Variants in TLE1 observed in about 807,000 individuals in gnomAD.
TLE1 encodes the protein TLE family member 1, transcriptional corepressor, also known as transducin-like enhancer protein 1.
A neutral mutation model predicts 89.8 loss-of-function variants in TLE1; 21 were observed. The ratio of observed to expected loss-of-function variants is 0.23; its 90% CI spans 0.17 to 0.34. The LOEUF is 0.34. Ranked by LOEUF, TLE1 falls within the 10% of genes least tolerant of loss-of-function variation. TLE1 has a pLI of 1.00. For missense variants in TLE1, 795 were observed against 1,031.2 expected, an observed-to-expected ratio of 0.77 and a Z score of 3.14; for synonymous variants, 447 against 407.6, an observed-to-expected ratio of 1.10 and a Z score of -1.16.
chr9:81,591,642 GA>G (rs1332885798), intron 15 of TLE1, among the ~76,000 whole-genome samples: 7 of 152,098 alleles, frequency 4.6e-5, no homozygotes, highest in African/African-American at 1.7e-4. Context: ...ATCAACTCCT[GA>G]AAGATGCAGA....
chr9:81,651,614 G>A (rs1418610976), intron 6 of TLE1, among the ~76,000 whole-genome samples: 2 of 152,108 alleles, frequency 1.3e-5, no homozygotes, highest in East Asian at 1.9e-4. Context: ...CAGTTCTATA[G>A]GTTCGAATAC....
chr9:81,592,492 G>A (rs781525672), intron 15 of TLE1, among the ~76,000 whole-genome samples: 29 of 152,218 alleles, frequency 1.9e-4, no homozygotes, highest in Non-Finnish European at 3.7e-4. Context: ...GCTCTCTTTC[G>A]TTGATGGCTG....
At chr9:81,651,954 G>T (rs1829595940) in intron 6 of TLE1, among the ~76,000 whole-genome samples, 1 of 148,992 alleles carries the variant, frequency 6.7e-6, no homozygotes, top group Non-Finnish European at 1.5e-5. Context: ...TGTTTAAAAA[G>T]AATTTTTTTA....
At chr9:81,675,357 T>C (rs1455289667) in intron 4 of TLE1, among the ~76,000 whole-genome samples, 1 of 152,182 alleles carries the variant, frequency 6.6e-6, no homozygotes, top group Non-Finnish European at 1.5e-5. Context: ...ATACTCATTA[T>C]TACTAAGAAA....
chr9:81,688,717 G>T lies in TLE1; in HGVS notation c.-477C>A. The T allele has an allele frequency of 6.4e-6, 1 of 155,766 alleles. No homozygotes were observed. Among genetic ancestry groups the T allele is most frequent in the South Asian group, 2.0e-4 (1 of 4,928 alleles). 9.6% of individuals were successfully genotyped at this position (155,766 alleles called of 1,614,324 possible). A position where few individuals can be genotyped will look rare whatever the true frequency, so the allele number is the denominator to read the frequency against. On this transcript the variant is annotated 5_prime_UTR_variant, in exon 1 of 20. Transcript: ENST00000376499. ...CTCTTCGGGCTTTCCCCGAGGCGGC[G>T]GCGGGCGAGGTGCAGGTGGCGCGGC...
rs1018912588 is a variant in TLE1, at chr9:81,687,353, G to A, written c.106C>T (p.Leu36=). ...LDRIKEEFQF[L]QAQYHSLKLE... is the part of the protein sequence containing the mutation. ...ACGCACCTGTGATACTGCGCCTGCA[G>A]GAACTGGAATTCCTCTTTAATCCGG... The change falls in exon 2 of 20, where the codon CTG becomes TTG. Residue 36 remains leucine (L), a synonymous_variant. Transcript: ENST00000376499. 8 of 1,607,678 alleles carry A rather than the reference G, an allele frequency of 5.0e-6. No homozygotes were observed. Among genetic ancestry groups the A allele is most frequent in the Admixed American group, 1.7e-5 (1 of 59,356 alleles).
In TLE1 at chr9:81,687,456, G is replaced by A. The variant is rs200667628; in HGVS notation, c.25-22C>T. On this transcript the variant is annotated intron_variant, in intron 1 of 19. Transcript: ENST00000376499. ...GCGTCTGGGGGCGACCAGCGAGGGG[G>A]ACCGAGGGACGGGAATGCGGGCGGA... 9.6e-4 allele frequency: 1,517 copies of A among 1,584,822 alleles called. 5 individuals carry two copies. The highest frequency in any genetic ancestry group is 1.2e-3 in the Non-Finnish European group (1,418 of 1,160,000).
At chr9:81,646,847 AGTT>A (rs2132545278) in intron 6 of TLE1, among the ~76,000 whole-genome samples, 1 of 152,322 alleles carries the variant, frequency 6.6e-6, no homozygotes, top group African/African-American at 2.4e-5. Flanking sequence ...TTTTATACTA[AGTT>A]GTTTTAAAAT....
At chr9:81,641,767 A>T (rs976937802) in intron 6 of TLE1, among the ~76,000 whole-genome samples, 1 of 152,238 alleles carries the variant, frequency 6.6e-6, no homozygotes, top group East Asian at 1.9e-4. Flanking sequence ...TCACGCCTGT[A>T]ATCCCAGCAC....
At chr9:81,669,548 A>AG (rs1564061020) in intron 4 of TLE1, among the ~76,000 whole-genome samples, 1 of 152,222 alleles carries the variant, frequency 6.6e-6, no homozygotes, top group Non-Finnish European at 1.5e-5. Flanking sequence ...TCTGCAGTGT[A>AG]GGGGCATGTG....
chr9:81,584,680 C>A (rs1160646078), intron 18 of TLE1, among the ~76,000 whole-genome samples, 156 bp from the exon 19 acceptor site: 1 of 152,118 alleles, frequency 6.6e-6, no homozygotes, highest in Non-Finnish European at 1.5e-5. Context: ...TTAATCTGGG[C>A]TCCTCAGTGA....
rs1189223279 is a variant in TLE1 at position 81,688,935 on chromosome 9, C to G, written c.-695G>C. On this transcript the variant is annotated 5_prime_UTR_variant, in exon 1 of 20. Transcript: ENST00000376499. ...GTGCGGAGGGCGCGCCGGGAGGCGG[C>G]TCGGCACGCCCCGTGCGACCAGCAC... 6.6e-6 allele frequency: 1 copy of G among 152,426 alleles called. No individual in the cohort carries two copies. The highest frequency in any genetic ancestry group is 1.5e-5 in the Non-Finnish European group (1 of 68,242). The allele number at this position is 152,426 out of a possible 1,614,324, so 9.4% of individuals were successfully genotyped here. A position where few individuals can be genotyped will look rare whatever the true frequency, so the allele number is the denominator to read the frequency against.
In TLE1 at chr9:81,649,994, T is replaced by C. The variant is rs142117661; in HGVS notation, c.372+2220A>G. Among the ~76,000 whole-genome samples the C allele has an allele frequency of 7.2e-5, 11 of 152,252 alleles. No individual in the cohort carries two copies. In the East Asian group the frequency reaches 1.5e-3, roughly 21 times the overall value. On this transcript the variant is annotated intron_variant, in intron 6 of 19. Coordinates refer to ENST00000376499, the MANE Select transcript of TLE1 (RefSeq NM_005077.5). Reference sequence around the variant, plus strand: ...TCATATACTAATCCAAAAATTACAATGATAAAAACCGCACATGCCAGTATG... The same window carrying C: ...TCATATACTAATCCAAAAATTACAACGATAAAAACCGCACATGCCAGTATG...
At chr9:81,627,593 C>A (rs978460078) in intron 8 of TLE1, among the ~76,000 whole-genome samples, 1 of 152,118 alleles carries the variant, frequency 6.6e-6, no homozygotes, top group Non-Finnish European at 1.5e-5. Context: ...AGAAGGGAAA[C>A]CTGCCCAGGA....
intron 4 of TLE1, among the ~76,000 whole-genome samples, chr9:81,656,501 T>C (rs1201339351): frequency 6.6e-6 from 1 of 152,172 alleles, no homozygotes; most frequent in African/African-American, 2.4e-5. Flanking sequence ...TATACAGAAA[T>C]ATAAAAGAAA....
intron 14 of TLE1, among the ~76,000 whole-genome samples, chr9:81,597,707 A>T (rs546095089): frequency 1.3e-5 from 2 of 152,288 alleles, no homozygotes; most frequent in African/African-American, 4.8e-5. Flanking sequence ...AATCGAAAAG[A>T]ATAAAGCCCA....
chr9:81,675,503 A>T (rs1490075174), intron 4 of TLE1, among the ~76,000 whole-genome samples: 1 of 152,072 alleles, frequency 6.6e-6, no homozygotes, highest in African/African-American at 2.4e-5. Context: ...CCCCAGCAAC[A>T]TGCTAGTTTT....
intron 15 of TLE1, among the ~76,000 whole-genome samples, chr9:81,591,611 T>C (rs1167182106): frequency 1.3e-5 from 2 of 152,212 alleles, no homozygotes; most frequent in South Asian, 2.1e-4. Context: ...GAAGGGGCTG[T>C]GGGTGGGGGG....
At chr9:81,652,054 CA>C (rs1185139118) in intron 6 of TLE1, 159 bp downstream of exon 6, 1 of 640,286 alleles carries the variant, frequency 1.6e-6, no homozygotes, top group Non-Finnish European at 2.6e-6. Context: ...TAGCACATCC[CA>C]AGTCTCTTCC....
Sources: gnomAD v4.1 joint callset for allele counts (sites outside exome capture counted in the v4.1 genomes callset) on GRCh38, gnomAD v4.1.1 for gene constraint, MANE v1.5 for transcripts, NCBI Gene and HGNC (gene_info 2026-07-23, HGNC 2026-07-21) for gene names.